Variants in SPATS2L observed in about 807,000 individuals in gnomAD.
SPATS2L encodes the protein spermatogenesis associated serine rich 2 like.
In SPATS2L, 30 loss-of-function variants were observed where a neutral mutation model predicts 59.6. The observed-to-expected ratio is 0.50, with a 90% CI of 0.38 to 0.68. The LOEUF is 0.68. Among genes scored for constraint, SPATS2L ranks in the 30% least tolerant of loss-of-function variants. The pLI is 0.00. For missense variants in SPATS2L, 615 were observed against 700.0 expected (o/e 0.88, Z 1.37); for synonymous variants, 252 against 263.5 (o/e 0.96, Z 0.42).
chr2:200,435,562 C>G (rs2084227484), intron 6 of SPATS2L, among the ~76,000 whole-genome samples: 1 of 152,130 alleles, frequency 6.6e-6, no homozygotes, highest in South Asian at 2.1e-4. Flanking sequence ...TGAAGTAACA[C>G]TGATTCATTC....
At chr2:200,320,731 A>G (rs1209497106) in intron 1 of SPATS2L, among the ~76,000 whole-genome samples, 1 of 152,222 alleles carries the variant, frequency 6.6e-6, no homozygotes. Flanking sequence ...CTTCCCACAC[A>G]AATTATTTGA....
intron 2 of SPATS2L, among the ~76,000 whole-genome samples, chr2:200,380,250 T>G (rs924812074): frequency 1.3e-5 from 2 of 152,220 alleles, no homozygotes; most frequent in Admixed American, 6.5e-5. Context: ...GGTTTGGCAC[T>G]TTATGCAAAA....
chr2:200,403,782 T>A (rs1161984472), intron 3 of SPATS2L, among the ~76,000 whole-genome samples: 1 of 152,170 alleles, frequency 6.6e-6, no homozygotes, highest in Non-Finnish European at 1.5e-5. Flanking sequence ...CCGTAACAGA[T>A]CTGTGCAGTC....
chr2:200,332,484 C>T (rs754708591), intron 2 of SPATS2L, among the ~76,000 whole-genome samples: 2 of 152,160 alleles, frequency 1.3e-5, no homozygotes, highest in Non-Finnish European at 2.9e-5. Context: ...TGGGCTTAAG[C>T]GATCCTCCCA....
At chr2:200,347,381 A>G (rs958077497) in intron 2 of SPATS2L, among the ~76,000 whole-genome samples, 1 of 151,818 alleles carries the variant, frequency 6.6e-6, no homozygotes, top group Non-Finnish European at 1.5e-5. Context: ...GCATGTCTTG[A>G]CTCTGCATCT....
chr2:200,397,359 G>A (rs539422390), intron 3 of SPATS2L, among the ~76,000 whole-genome samples: 3 of 152,202 alleles, frequency 2.0e-5, no homozygotes, highest in South Asian at 2.1e-4. Context: ...ATGATCCTTC[G>A]TATTAAATTA....
At chr2:200,409,490 A>G (rs183279484) in intron 3 of SPATS2L, among the ~76,000 whole-genome samples, 1 of 152,336 alleles carries the variant, frequency 6.6e-6, no homozygotes, top group East Asian at 1.9e-4. Flanking sequence ...TCTTTCTCAA[A>G]GACATTTCCA....
chr2:200,370,075 A>G (rs1464280344), intron 2 of SPATS2L, among the ~76,000 whole-genome samples: 1 of 152,214 alleles, frequency 6.6e-6, no homozygotes, highest in African/African-American at 2.4e-5. Flanking sequence ...GGATTGCATC[A>G]CATGCCTTGC....
chr2:200,408,840 C>G (rs115631271), intron 3 of SPATS2L, among the ~76,000 whole-genome samples: 512 of 152,364 alleles, frequency 3.4e-3, no homozygotes, highest in African/African-American at 0.012. Context: ...AGGATCATGA[C>G]TAAAACACTC....
intron 6 of SPATS2L, among the ~76,000 whole-genome samples, chr2:200,428,512 A>G (rs1367783148): frequency 1.3e-5 from 2 of 152,148 alleles, no homozygotes; most frequent in African/African-American, 4.8e-5. Context: ...CAGGTCCTTC[A>G]TCATATAAAG....
intron 1 of SPATS2L, among the ~76,000 whole-genome samples, chr2:200,327,061 T>G (rs2079775094): frequency 2.0e-5 from 3 of 151,726 alleles, no homozygotes; most frequent in Admixed American, 6.6e-5. Flanking sequence ...TTGGCCATCC[T>G]GTACCTTCTG....
At chr2:200,326,660 G>A (rs1355318112) in intron 1 of SPATS2L, among the ~76,000 whole-genome samples, 1 of 152,102 alleles carries the variant, frequency 6.6e-6, no homozygotes, top group Non-Finnish European at 1.5e-5. Context: ...GGTTACTTTG[G>A]TAGAAACATA....
chr2:200,368,794 C>A (rs2081337947), intron 2 of SPATS2L, among the ~76,000 whole-genome samples: 1 of 152,072 alleles, frequency 6.6e-6, no homozygotes, highest in Non-Finnish European at 1.5e-5. Flanking sequence ...GATGAGAAGC[C>A]CATCTCTACA....
At chr2:200,362,920 C>G (rs2081154483) in intron 2 of SPATS2L, among the ~76,000 whole-genome samples, 1 of 152,154 alleles carries the variant, frequency 6.6e-6, no homozygotes. Flanking sequence ...TGAAGCCTAA[C>G]CCCCAGGAAT....
rs1260216083 is a variant in SPATS2L, at chr2:200,427,869, G to GT, written c.445+8377dup. ...AGTATATAATAATTATGAGAGAATG[G>GT]TTTTCTTAGCCTGGGCAACATGGCA... On this transcript the variant is annotated intron_variant, in intron 6 of 12. Transcript: ENST00000409140. Among the ~76,000 whole-genome samples, 4 of 151,892 alleles carry GT rather than the reference G, an allele frequency of 2.6e-5. No individual in the cohort carries two copies. In the East Asian group the frequency reaches 7.7e-4, roughly 29 times the overall value.
At chr2:200,435,644 T>C (rs1006294590) in intron 6 of SPATS2L, among the ~76,000 whole-genome samples, 5 of 152,180 alleles carry the variant, frequency 3.3e-5, no homozygotes, top group African/African-American at 1.2e-4. Flanking sequence ...TACATCACCC[T>C]GTCACCACTT....
chr2:200,457,998 A>G (rs1026780136), intron 8 of SPATS2L, among the ~76,000 whole-genome samples: 2 of 152,250 alleles, frequency 1.3e-5, no homozygotes, highest in African/African-American at 4.8e-5. Context: ...AGCACATTAA[A>G]TATGAGTTTA....
At chr2:200,307,826 T>C (rs1295527375) in intron 1 of SPATS2L, among the ~76,000 whole-genome samples, 1 of 152,256 alleles carries the variant, frequency 6.6e-6, no homozygotes, top group Non-Finnish European at 1.5e-5. Flanking sequence ...ATCCTGGTTT[T>C]AGCAGATGTC....
intron 3 of SPATS2L, among the ~76,000 whole-genome samples, chr2:200,403,429 G>A (rs2082594679): frequency 6.6e-6 from 1 of 152,162 alleles, no homozygotes; most frequent in Non-Finnish European, 1.5e-5. Flanking sequence ...CAGAAAAGGG[G>A]TTATACTTAC....
Sources: gnomAD v4.1 joint callset for allele counts (sites outside exome capture counted in the v4.1 genomes callset) on GRCh38, gnomAD v4.1.1 for gene constraint, MANE v1.5 for transcripts, NCBI Gene and HGNC (gene_info 2026-07-23, HGNC 2026-07-21) for gene names.